Variants in GRID1 observed in about 807,000 individuals in gnomAD.
The protein encoded by GRID1 is glutamate ionotropic receptor delta type subunit 1, also known as glutamate receptor ionotropic, delta-1.
GRID1 carries 28 observed loss-of-function variants against 98.0 expected under a neutral mutation model. That is an observed-to-expected ratio of 0.29 (90% CI 0.21 to 0.39). GRID1 has a LOEUF of 0.39. GRID1 is among the 10% of genes least tolerant of loss of function. The pLI is 1.00. For synonymous variants in GRID1, 553 were observed against 538.5 expected, an observed-to-expected ratio of 1.03 and a Z score of -0.37; for missense variants, 1,111 against 1,340.5, an observed-to-expected ratio of 0.83 and a Z score of 2.67.
At chr10:86,294,474 A>C (rs1847559744) in intron 2 of GRID1, among the ~76,000 whole-genome samples, 1 of 152,158 alleles carries the variant, frequency 6.6e-6, no homozygotes, top group Non-Finnish European at 1.5e-5. Context: ...CAGGGGAGAG[A>C]CGATGGTGGC....
chr10:86,177,505 T>C (rs985604544), intron 3 of GRID1, among the ~76,000 whole-genome samples: 3 of 151,758 alleles, frequency 2.0e-5, no homozygotes, highest in African/African-American at 7.3e-5. Context: ...CATGTGTGCA[T>C]GAGAGAGACA....
chr10:86,134,477 G>C (rs188004793), intron 4 of GRID1, among the ~76,000 whole-genome samples: 6 of 152,314 alleles, frequency 3.9e-5, no homozygotes, highest in East Asian at 1.9e-4. Flanking sequence ...CATCAAGCCT[G>C]ACCTGGAGAA....
chr10:86,364,233 G>A (rs1219967835), intron 1 of GRID1, 137 bp from the exon 2 acceptor site: 9 of 672,598 alleles, frequency 1.3e-5, no homozygotes, highest in South Asian at 3.6e-5. Flanking sequence ...AGCTTGGCGG[G>A]GTAGATTAAG....
In GRID1 at chr10:85,647,256, G is replaced by T; in HGVS notation, c.2139C>A (p.Ser713Arg). The change falls in exon 13 of 16, where the codon AGC becomes AGA. Residue 713 changes from serine (S) to arginine (R), a missense_variant. Ser to Arg is a moderately radical substitution (Grantham distance 110). This residue lies in a region of GRID1 where 762 missense variants were observed against 869.1 expected (regional missense o/e 0.88). Transcript: ENST00000327946. ...STFAELWRTI[S>R]KNGGADNCVS... is the part of the protein sequence containing the mutation. ...CGCAGTTGTCAGCCCCTCCGTTCTT[G>T]CTGATGGTCCGCCAGAGTTCAGCAA... The T allele has an allele frequency of 1.2e-6, 2 of 1,614,240 alleles. 1 individual carries two copies. Among genetic ancestry groups the T allele is most frequent in the South Asian group, 2.2e-5 (2 of 91,088 alleles).
chr10:85,861,111 G>T (rs1039833652), intron 6 of GRID1, among the ~76,000 whole-genome samples: 3 of 152,154 alleles, frequency 2.0e-5, no homozygotes, highest in Admixed American at 2.0e-4. Context: ...AGAAGCTGGG[G>T]TCAGCACCAG....
chr10:86,018,604 C>T (rs1843008943), intron 4 of GRID1, among the ~76,000 whole-genome samples: 1 of 152,192 alleles, frequency 6.6e-6, no homozygotes, highest in African/African-American at 2.4e-5. Flanking sequence ...GGTGCCCACG[C>T]CTTCCAGAGC....
intron 4 of GRID1, among the ~76,000 whole-genome samples, chr10:85,959,447 T>TCC (rs1231141481): frequency 6.6e-6 from 1 of 152,148 alleles, no homozygotes; most frequent in Non-Finnish European, 1.5e-5. Flanking sequence ...GGCAAGGACA[T>TCC]CCACCTGTGC....
intron 8 of GRID1, among the ~76,000 whole-genome samples, chr10:85,820,193 G>T (rs1842757044): frequency 7.3e-6 from 1 of 136,316 alleles, no homozygotes; most frequent in South Asian, 2.5e-4. Flanking sequence ...GAAAACTTCT[G>T]ATACACTCAA....
chr10:86,265,130 C>T (rs991424193), intron 2 of GRID1, among the ~76,000 whole-genome samples: 1 of 152,200 alleles, frequency 6.6e-6, no homozygotes, highest in Non-Finnish European at 1.5e-5. Context: ...GGCCTGCAGA[C>T]TGAGTGGCCC....
chr10:85,730,165 C>T (rs1284699080), intron 8 of GRID1, among the ~76,000 whole-genome samples: 2 of 152,342 alleles, frequency 1.3e-5, no homozygotes, highest in South Asian at 2.1e-4. Context: ...TTTTCCTTGA[C>T]AGGCAGGTAG....
intron 12 of GRID1, among the ~76,000 whole-genome samples, chr10:85,666,028 A>G (rs1841015878): frequency 6.6e-6 from 1 of 152,200 alleles, no homozygotes; most frequent in African/African-American, 2.4e-5. Flanking sequence ...AACCCAAAGA[A>G]AGAAACTAGA....
intron 4 of GRID1, among the ~76,000 whole-genome samples, chr10:85,981,237 C>T (rs1240231953): frequency 6.6e-6 from 1 of 152,214 alleles, no homozygotes; most frequent in African/African-American, 2.4e-5. Context: ...CAGGTCTAAC[C>T]CACACCTCTT....
intron 12 of GRID1, among the ~76,000 whole-genome samples, chr10:85,662,099 C>T (rs1362529807): frequency 6.6e-6 from 1 of 152,138 alleles, no homozygotes; most frequent in African/African-American, 2.4e-5. Flanking sequence ...ACATCAGGAC[C>T]AGGCTGTACC....
chr10:85,914,211 G>A (rs1221437990), intron 5 of GRID1, among the ~76,000 whole-genome samples: 3 of 152,216 alleles, frequency 2.0e-5, no homozygotes, highest in Non-Finnish European at 4.4e-5. Flanking sequence ...GGGCCCCTGA[G>A]GGTGGGTGGG....
chr10:86,121,988 T>A (rs1199627889), intron 4 of GRID1, among the ~76,000 whole-genome samples: 2 of 152,042 alleles, frequency 1.3e-5, no homozygotes, highest in African/African-American at 4.8e-5. Flanking sequence ...GGGCCCCAAA[T>A]ACAACCCTGC....
chr10:85,814,522 G>A (rs934457617), intron 8 of GRID1, among the ~76,000 whole-genome samples: 1 of 151,874 alleles, frequency 6.6e-6, no homozygotes, highest in South Asian at 2.1e-4. Context: ...TTGAAAAGAT[G>A]AGTAAGATTG....
In GRID1 at chr10:85,599,788, T is replaced by TAAAAAAAAAAAAAAAAAAAAAAAA. The variant is rs1220249442; in HGVS notation, c.*2484_*2485insTTTTTTTTTTTTTTTTTTTTTTTT. 1.3e-5 allele frequency: 1 copy of TAAAAAAAAAAAAAAAAAAAAAAAA among 76,114 alleles called. No individual in the cohort carries two copies. The highest frequency in any genetic ancestry group is 8.5e-5 in the African/African-American group (1 of 11,738). 4.7% of individuals were successfully genotyped at this position (76,114 alleles called of 1,614,324 possible). A position where few individuals can be genotyped will look rare whatever the true frequency, so the allele number is the denominator to read the frequency against. The stretch of plus-strand genomic sequence containing the variant: ...CCCTCATGCCAAGGGTAGAAAATTC[T>TAAAAAAAAAAAAAAAAAAAAAAAA]AAAAAAAAAAAAAAATATATATATA... On this transcript the variant is annotated 3_prime_UTR_variant, in exon 16 of 16. Transcript: ENST00000327946.
At chr10:85,636,134 C>A (rs575578795) in intron 13 of GRID1, among the ~76,000 whole-genome samples, 1 of 152,288 alleles carries the variant, frequency 6.6e-6, no homozygotes, top group Non-Finnish European at 1.5e-5. Context: ...AATTAATCTC[C>A]TGATTGTCCA....
At chr10:85,776,361 C>G (rs942584714) in intron 8 of GRID1, among the ~76,000 whole-genome samples, 1 of 152,136 alleles carries the variant, frequency 6.6e-6, no homozygotes, top group African/African-American at 2.4e-5. Context: ...CAACAAAGAA[C>G]GTAGAGCAGA....
Sources: allele counts gnomAD v4.1 joint callset (sites outside exome capture counted in the v4.1 genomes callset), GRCh38; gene constraint gnomAD v4.1.1; regional missense constraint gnomAD v4.1.1; transcripts MANE v1.5; gene names NCBI Gene and HGNC (gene_info 2026-07-23, HGNC 2026-07-21).